Variants in DYNC2H1 observed in about 807,000 individuals in gnomAD.
DYNC2H1 encodes cytoplasmic dynein 2 heavy chain 1.
DYNC2H1 carries 410 observed loss-of-function variants against 570.0 expected under a neutral mutation model. The ratio of observed to expected loss-of-function variants is 0.72; its 90% confidence interval spans 0.66 to 0.78. The LOEUF is 0.78. Ranked by LOEUF, DYNC2H1 falls within the 30% of genes least tolerant of loss-of-function variation. The pLI, the probability that DYNC2H1 is intolerant of heterozygous loss-of-function variation, is 0.00. For missense variants in DYNC2H1, 4,865 were observed against 5,046.4 expected (o/e 0.96, Z 1.09); for synonymous variants, 1,688 against 1,677.6 (o/e 1.01, Z -0.15).
chr11:103,464,715 A>G (rs1418855607), intron 87 of DYNC2H1, among the ~76,000 whole-genome samples: 1 of 152,212 alleles, frequency 6.6e-6, no homozygotes, highest in Non-Finnish European at 1.5e-5. Context: ...GCCATCTAAA[A>G]TAATTCAATA....
rs548472374 is a variant in DYNC2H1, at chr11:103,163,599, A to G, written c.4611+452A>G. 6.6e-6 allele frequency among the ~76,000 whole-genome samples: 1 copy of G among 152,312 alleles called. No individual in the cohort carries two copies. The highest frequency in any genetic ancestry group is 2.1e-4 in the South Asian group (1 of 4,834). The stretch of plus-strand genomic sequence containing the variant: ...TGAGGTCATATGGTGAATTACAGAG[A>G]TGGCTGCAGCTCAGGGTTAATAGGA... On this transcript the variant is annotated intron_variant, in intron 30 of 88. Coordinates refer to ENST00000375735, the MANE Select transcript of DYNC2H1 (RefSeq NM_001377.3). The surrounding 1 kb of genome is among the most constrained non-coding windows in gnomAD (Gnocchi z 4.6).
At chr11:103,353,447 A>G (rs1199017890) in intron 82 of DYNC2H1, among the ~76,000 whole-genome samples, 1 of 152,224 alleles carries the variant, frequency 6.6e-6, no homozygotes, top group African/African-American at 2.4e-5. Flanking sequence ...ACTGTCCTAC[A>G]TAATACTAGA....
At chr11:103,392,202 G>C (rs1465793253) in intron 83 of DYNC2H1, among the ~76,000 whole-genome samples, 2 of 152,202 alleles carry the variant, frequency 1.3e-5, no homozygotes, top group African/African-American at 4.8e-5. Context: ...GGCAATGGCG[G>C]GCGCCCCTCC....
At position 103,369,701 on chromosome 11, in the gene DYNC2H1, ACACT is replaced by A. The variant is rs1397638141; in HGVS notation, c.12156+11347_12156+11350del. 6.6e-6 allele frequency among the ~76,000 whole-genome samples: 1 copy of A among 152,216 alleles called. No individual in the cohort carries two copies. The highest frequency in any genetic ancestry group is 1.9e-4 in the East Asian group (1 of 5,196). On this transcript the variant is annotated intron_variant, in intron 83 of 88. Coordinates refer to ENST00000375735, the MANE Select transcript of DYNC2H1 (RefSeq NM_001377.3). The surrounding 1 kb of genome is among the most constrained non-coding windows in gnomAD (Gnocchi z 4.0). ...CCTAGCTCCCGGGCAACATTCGTAG[ACACT>A]CACTGCATCAGAAAGCAACCTGCTG...
intron 20 of DYNC2H1, among the ~76,000 whole-genome samples, chr11:103,149,856 A>G (rs1860450356): frequency 6.6e-6 from 1 of 152,050 alleles, no homozygotes. Flanking sequence ...AGTATGCTCA[A>G]CTAGGGGTTA....
At chr11:103,223,247 CA>C (rs1565408703) in intron 59 of DYNC2H1, among the ~76,000 whole-genome samples, 161 bp downstream of exon 59, 2 of 150,632 alleles carry the variant, frequency 1.3e-5, no homozygotes, top group East Asian at 1.9e-4. Flanking sequence ...AAAAACAGAT[CA>C]AAAAAAGAAA....
At chr11:103,349,254 A>C (rs1027821098) in intron 82 of DYNC2H1, among the ~76,000 whole-genome samples, 1 of 152,266 alleles carries the variant, frequency 6.6e-6, no homozygotes, top group African/African-American at 2.4e-5. Context: ...TTAACTGCAA[A>C]ACTGTTTTCA....
intron 67 of DYNC2H1, among the ~76,000 whole-genome samples, chr11:103,255,823 CTG>C (rs1865034531): frequency 1.3e-5 from 2 of 151,920 alleles, no homozygotes; most frequent in Admixed American, 6.6e-5. Flanking sequence ...TTATAACAAT[CTG>C]TAACTTTAAG....
At chr11:103,411,025 T>C (rs1465700047) in intron 84 of DYNC2H1, among the ~76,000 whole-genome samples, 1 of 152,088 alleles carries the variant, frequency 6.6e-6, no homozygotes, top group Non-Finnish European at 1.5e-5. Context: ...GATGCTTGCA[T>C]GTGTAAAGAC....
chr11:103,219,666 A>G (rs112458379), intron 55 of DYNC2H1, among the ~76,000 whole-genome samples: 1 of 152,196 alleles, frequency 6.6e-6, no homozygotes, highest in Middle Eastern at 3.2e-3. Context: ...TAAATTTTAT[A>G]TAAAAAGCAT....
intron 21 of DYNC2H1, 93 bp downstream of exon 21, chr11:103,152,378 A>G (rs1239894662): frequency 4.2e-6 from 5 of 1,204,436 alleles, no homozygotes; most frequent in African/African-American, 3.2e-5. Flanking sequence ...CCAGGTTTAT[A>G]ATAATTTAAT....
At chr11:103,260,167 T>G (rs1181020674) in intron 70 of DYNC2H1, among the ~76,000 whole-genome samples, 190 bp downstream of exon 70, 4 of 152,152 alleles carry the variant, frequency 2.6e-5, no homozygotes, top group African/African-American at 9.7e-5. Flanking sequence ...AAGTGACAAG[T>G]GAAGAAGGGA....
Position 103,170,212 on chromosome 11 carries a change from T to G in DYNC2H1, c.5073T>G (p.Ala1691=). 6.2e-7 allele frequency: 1 copy of G among 1,612,766 alleles called. No homozygotes were observed. Among genetic ancestry groups the G allele is most frequent in the Non-Finnish European group, 8.5e-7 (1 of 1,179,368 alleles). ...TTGGAGGAAATCCTTATGGACCAGC[T>G]GGAACTGGGAAAACGGAATCAGTAA... ...MGLGGNPYGP[A]GTGKTESVKA... The change falls in exon 33 of 89, where the codon GCT becomes GCG. Residue 1691 remains alanine, a synonymous_variant. Coordinates refer to ENST00000375735, the MANE Select transcript of DYNC2H1 (RefSeq NM_001377.3). This position sits in a 1 kb window ranked among gnomAD's most constrained non-coding sequence, Gnocchi z 4.8.
At chr11:103,393,964 T>A (rs189222440) in intron 83 of DYNC2H1, among the ~76,000 whole-genome samples, 33 of 152,232 alleles carry the variant, frequency 2.2e-4, no homozygotes, top group Non-Finnish European at 4.4e-4. Context: ...CCCCTATTAT[T>A]CAATTACCTC....
chr11:103,398,983 C>T (rs1169292762), intron 83 of DYNC2H1, among the ~76,000 whole-genome samples: 1 of 152,100 alleles, frequency 6.6e-6, no homozygotes, highest in Non-Finnish European at 1.5e-5. Flanking sequence ...ACCATGATCT[C>T]TTCTGCTCTC....
intron 84 of DYNC2H1, among the ~76,000 whole-genome samples, chr11:103,426,734 A>C (rs1943686756): frequency 6.6e-6 from 1 of 152,200 alleles, no homozygotes; most frequent in Non-Finnish European, 1.5e-5. Flanking sequence ...AATATAACAA[A>C]CTAATGGGCT....
intron 85 of DYNC2H1, among the ~76,000 whole-genome samples, chr11:103,445,253 T>C (rs895477328): frequency 6.6e-6 from 1 of 152,356 alleles, no homozygotes; most frequent in African/African-American, 2.4e-5. Context: ...AGACTTTATT[T>C]TTCATTCTGC....
At chr11:103,421,503 C>A (rs11225787) in intron 84 of DYNC2H1, among the ~76,000 whole-genome samples, 9,332 of 152,152 alleles carry the variant, frequency 0.061, 315 homozygotes, top group Non-Finnish European at 0.08. Flanking sequence ...TCATAACAAA[C>A]GGTCTCTTAG....
At chr11:103,460,728 A>G (rs1591792810) in intron 87 of DYNC2H1, among the ~76,000 whole-genome samples, 1 of 151,232 alleles carries the variant, frequency 6.6e-6, no homozygotes, top group East Asian at 1.9e-4. Flanking sequence ...ATATTTTCAT[A>G]TATATTCAGA....
Sources: gnomAD v4.1 joint callset for allele counts (sites outside exome capture counted in the v4.1 genomes callset) on GRCh38, gnomAD v4.1.1 for gene constraint, Gnocchi (gnomAD v3.1) non-coding constraint, MANE v1.5 for transcripts, NCBI Gene and HGNC (gene_info 2026-07-23, HGNC 2026-07-21) for gene names.